The following STMN2 variants were observed in gnomAD, a reference collection of about 807,000 sequenced individuals.
STMN2 encodes the protein stathmin-2.
Under a neutral mutation model 24.1 loss-of-function variants are expected in STMN2, and 2 were observed. The observed-to-expected ratio is 0.08, with a 90% CI of 0.03 to 0.26. The LOEUF is 0.26. Among genes scored for constraint, STMN2 ranks in the 10% least tolerant of loss-of-function variants. The probability of loss-of-function intolerance (pLI) is 1.00; values close to 1 mark genes in which losing one functional copy is unlikely to be tolerated. For synonymous variants in STMN2, 83 were observed against 77.5 expected (o/e 1.07, Z -0.37); for missense variants, 114 against 213.6 (o/e 0.53, Z 2.91).
chr8:79,623,350 C>T (rs1337431023), intron 1 of STMN2, among the ~76,000 whole-genome samples: 1 of 152,148 alleles, frequency 6.6e-6, no homozygotes, highest in Admixed American at 6.5e-5. Flanking sequence ...ACAAAGATAT[C>T]TTGTGAAATC....
At chr8:79,615,249 C>T (rs887828700) in intron 1 of STMN2, among the ~76,000 whole-genome samples, 1 of 152,200 alleles carries the variant, frequency 6.6e-6, no homozygotes, top group African/African-American at 2.4e-5. Context: ...TTATTTTTTA[C>T]TTCAACTGAG....
chr8:79,613,359 C>T (rs565300858), intron 1 of STMN2: 3 of 983,888 alleles, frequency 3.0e-6, no homozygotes, highest in Non-Finnish European at 3.6e-6. Flanking sequence ...TGCAGAGCCC[C>T]GCGCCGCGCC....
chr8:79,663,912 T>C (rs1411580264), intron 4 of STMN2, among the ~76,000 whole-genome samples: 1 of 152,126 alleles, frequency 6.6e-6, no homozygotes, highest in Non-Finnish European at 1.5e-5. Context: ...AGTACCTTGG[T>C]TCCTTATGTA....
At chr8:79,662,352 G>A (rs1328912347) in intron 4 of STMN2, among the ~76,000 whole-genome samples, 2 of 152,042 alleles carry the variant, frequency 1.3e-5, no homozygotes, top group Admixed American at 6.6e-5. Flanking sequence ...TATTATCAAA[G>A]AGTAGTCTTC....
chr8:79,622,256 G>A (rs1809532003), intron 1 of STMN2, among the ~76,000 whole-genome samples: 1 of 152,116 alleles, frequency 6.6e-6, no homozygotes, highest in Admixed American at 6.5e-5. Context: ...TCACATGGTT[G>A]TTAAGTAAGC....
chr8:79,663,299 T>C (rs1254942868), intron 4 of STMN2, among the ~76,000 whole-genome samples: 2 of 152,138 alleles, frequency 1.3e-5, no homozygotes, highest in Non-Finnish European at 2.9e-5. Flanking sequence ...TAGAGCCAGG[T>C]TCCCTGGGTT....
intron 1 of STMN2, 41 bp downstream of exon 1, chr8:79,611,255 G>A: frequency 1.2e-6 from 2 of 1,613,276 alleles, no homozygotes; most frequent in South Asian, 1.1e-5. Flanking sequence ...TCTACCTGGA[G>A]CCCACCTCTC....
chr8:79,647,604 G>A (rs1810245386), intron 3 of STMN2, among the ~76,000 whole-genome samples: 1 of 152,210 alleles, frequency 6.6e-6, no homozygotes, highest in African/African-American at 2.4e-5. Flanking sequence ...CACTATTGCA[G>A]CACTGACCAT....
chr8:79,664,902 C>G lies in STMN2; in HGVS notation c.*28C>G. 1 of 1,604,096 alleles carries G rather than the reference C, an allele frequency of 6.2e-7. No individual in the cohort carries two copies. On this transcript the variant is annotated 3_prime_UTR_variant, in exon 5 of 5. Transcript: ENST00000220876. ...CAAGGGAGGGTCTGGCACGCCCCAC[C>G]AATAGTAAATCCCCCTGCCTATATT...
chr8:79,637,818 G>A (rs1810001177), intron 2 of STMN2, among the ~76,000 whole-genome samples: 1 of 152,192 alleles, frequency 6.6e-6, no homozygotes. Flanking sequence ...TATATGTAAA[G>A]AAAGACATTA....
chr8:79,613,687 G>C (rs962667732), intron 1 of STMN2: 1 of 985,398 alleles, frequency 1.0e-6, no homozygotes, highest in East Asian at 1.1e-4. Context: ...GATTGCTCTT[G>C]GTTAAGGATT....
chr8:79,629,287 T>A (rs1680001104), intron 1 of STMN2, among the ~76,000 whole-genome samples: 1 of 152,138 alleles, frequency 6.6e-6, no homozygotes, highest in Admixed American at 6.5e-5. Flanking sequence ...ATTTTACAAG[T>A]ATAAAATAGA....
chr8:79,618,486 A>G (rs910009833), intron 1 of STMN2, among the ~76,000 whole-genome samples: 2 of 152,164 alleles, frequency 1.3e-5, no homozygotes, highest in East Asian at 1.9e-4. Flanking sequence ...CATTTTGTTG[A>G]ATAAAATAAA....
At chr8:79,620,073 T>C (rs1809474793) in intron 1 of STMN2, among the ~76,000 whole-genome samples, 1 of 151,178 alleles carries the variant, frequency 6.6e-6, no homozygotes, top group African/African-American at 2.4e-5. Context: ...ACTATACAAG[T>C]TGTCTTATTT....
intron 1 of STMN2, among the ~76,000 whole-genome samples, chr8:79,630,309 T>A (rs573608103): frequency 6.6e-6 from 1 of 152,330 alleles, no homozygotes; most frequent in African/African-American, 2.4e-5. Context: ...TCGCACTTTT[T>A]ATTTCTGAAA....
At chr8:79,614,126 A>C (rs1809324258) in intron 1 of STMN2, among the ~76,000 whole-genome samples, 1 of 152,222 alleles carries the variant, frequency 6.6e-6, no homozygotes, top group African/African-American at 2.4e-5. Flanking sequence ...CATCCAAATA[A>C]AAATCCCACC....
At chr8:79,657,136 A>G (rs1340066688) in intron 4 of STMN2, among the ~76,000 whole-genome samples, 1 of 152,258 alleles carries the variant, frequency 6.6e-6, no homozygotes, top group Non-Finnish European at 1.5e-5. Flanking sequence ...GGCCTCCCGA[A>G]GTGCTGGGAT....
intron 1 of STMN2, among the ~76,000 whole-genome samples, chr8:79,635,855 T>G (rs1337911275): frequency 6.6e-6 from 1 of 151,998 alleles, no homozygotes; most frequent in East Asian, 1.9e-4. Flanking sequence ...CATTTAATAT[T>G]CCCATGTAAA....
At chr8:79,620,864 G>A (rs1362532142) in intron 1 of STMN2, 1 of 546,492 alleles carries the variant, frequency 1.8e-6, no homozygotes, top group Non-Finnish European at 2.3e-6. Context: ...ACTCTATTAG[G>A]TCTGAAGCAG....
Sources: gnomAD v4.1 joint callset for allele counts (sites outside exome capture counted in the v4.1 genomes callset) on GRCh38, gnomAD v4.1.1 for gene constraint, MANE v1.5 for transcripts, NCBI Gene and HGNC (gene_info 2026-07-23, HGNC 2026-07-21) for gene names.